The following FAHD2A variants were observed in gnomAD, a reference collection of about 807,000 sequenced individuals.
FAHD2A encodes fumarylacetoacetate hydrolase domain containing 2A, also known as oxaloacetate tautomerase FAHD2A, mitochondrial.
A neutral mutation model predicts 33.4 loss-of-function variants in FAHD2A; 27 were observed. The observed-to-expected ratio is 0.81, with a 90% confidence interval of 0.60 to 1.11. FAHD2A has a LOEUF of 1.11. Among genes scored for constraint, FAHD2A ranks in the 50% most tolerant of loss-of-function variants. The pLI is 0.00. For missense variants in FAHD2A, 296 were observed against 395.0 expected (o/e 0.75, Z 2.12); for synonymous variants, 130 against 153.3 (o/e 0.85, Z 1.12).
downstream of FAHD2A, among the ~76,000 whole-genome samples, chr2:95,416,821 G>T (rs1683200676): frequency 6.6e-6 from 1 of 152,126 alleles, no homozygotes; most frequent in Non-Finnish European, 1.5e-5. Context: ...CCACACAAAG[G>T]CTTGGATTTC....
chr2:95,417,388 G>A (rs530528668), downstream of FAHD2A, among the ~76,000 whole-genome samples: 1 of 152,174 alleles, frequency 6.6e-6, no homozygotes, highest in East Asian at 1.9e-4. Context: ...ACTAAGAGAA[G>A]CAGCCAGGCA....
intron 3 of FAHD2A, among the ~76,000 whole-genome samples, chr2:95,408,923 C>T (rs1391914909): frequency 5.3e-5 from 8 of 152,216 alleles, no homozygotes; most frequent in Non-Finnish European, 1.0e-4. Flanking sequence ...CCATAGTTTG[C>T]CAACTCCTGC....
Position 95,413,483 on chromosome 2 carries a change from C to T in FAHD2A, c.*526C>T. 1 of 1,610,342 alleles carries T rather than the reference C, an allele frequency of 6.2e-7. No homozygotes were observed. Among genetic ancestry groups the T allele is most frequent in the Non-Finnish European group, 8.5e-7 (1 of 1,179,256 alleles). ...CAAGTGAACTGCCGGATGAACTGTT[C>T]TAGTTTTTCCTGATTGTCCAGGCTG... On this transcript the variant is annotated 3_prime_UTR_variant, in exon 8 of 8. Transcript: ENST00000233379.
At chr2:95,417,540 G>T (rs1332136232), downstream of FAHD2A, among the ~76,000 whole-genome samples, 1 of 152,162 alleles carries the variant, frequency 6.6e-6, no homozygotes, top group Non-Finnish European at 1.5e-5. Flanking sequence ...ATGCCCTTCG[G>T]CCTCATTTGA....
chr2:95,406,835 A>C (rs992648133), intron 2 of FAHD2A, 106 bp from the exon 3 acceptor site: 12 of 1,464,552 alleles, frequency 8.2e-6, no homozygotes, highest in African/African-American at 5.7e-5. Flanking sequence ...GCTAGGAAAT[A>C]GATTTCAAAA....
downstream of FAHD2A, among the ~76,000 whole-genome samples, chr2:95,418,281 G>A (rs568457087): frequency 1.6e-4 from 24 of 151,920 alleles, no homozygotes; most frequent in South Asian, 4.8e-3. Flanking sequence ...TAAGGAAAGA[G>A]GATGTCTTGT....
At chr2:95,405,938 C>T (rs1250522904) in intron 2 of FAHD2A, 135 bp downstream of exon 2, 2 of 1,193,624 alleles carry the variant, frequency 1.7e-6, no homozygotes, top group African/African-American at 3.1e-5. Context: ...TTCTCCCGTT[C>T]TCTTAAAAGA....
intron 1 of FAHD2A, among the ~76,000 whole-genome samples, chr2:95,403,518 T>C (rs1200588445): frequency 6.6e-6 from 1 of 152,208 alleles, no homozygotes; most frequent in African/African-American, 2.4e-5. Flanking sequence ...AGGTCCCTAC[T>C]TCTCACTACA....
chr2:95,406,182 C>T (rs1388683377), intron 2 of FAHD2A, among the ~76,000 whole-genome samples: 2 of 125,448 alleles, frequency 1.6e-5, no homozygotes, highest in Non-Finnish European at 3.3e-5. Context: ...CCAGCTCCTA[C>T]AAGGAGAGAG....
At chr2:95,419,100 T>C (rs1324402849), downstream of FAHD2A, among the ~76,000 whole-genome samples, 3 of 152,032 alleles carry the variant, frequency 2.0e-5, no homozygotes, top group Non-Finnish European at 4.4e-5. Flanking sequence ...CCTAGAGCCT[T>C]CAGAGGGAGC....
downstream of FAHD2A, among the ~76,000 whole-genome samples, chr2:95,419,663 T>A (rs1335904277): frequency 2.0e-5 from 3 of 152,050 alleles, no homozygotes; most frequent in African/African-American, 7.3e-5. Flanking sequence ...GCTATCCTAG[T>A]GGCAACTTCA....
intron 1 of FAHD2A, among the ~76,000 whole-genome samples, chr2:95,404,815 GT>G (rs904695315): frequency 6.6e-6 from 1 of 152,216 alleles, no homozygotes; most frequent in African/African-American, 2.4e-5. Context: ...CCCAGACCCT[GT>G]TGTTTGTCTG....
intron 2 of FAHD2A, among the ~76,000 whole-genome samples, 179 bp downstream of exon 2, chr2:95,405,982 T>A (rs1681479800): frequency 6.6e-6 from 1 of 151,758 alleles, no homozygotes; most frequent in Admixed American, 6.6e-5. Context: ...CATCTTCAGT[T>A]TTCAGAGGAG....
intron 3 of FAHD2A, chr2:95,407,442 T>C (rs1681780872): frequency 2.0e-6 from 1 of 495,224 alleles, no homozygotes; most frequent in East Asian, 3.7e-5. Context: ...GGAATATTAA[T>C]GTTTTTCTGT....
At chr2:95,409,488 T>C (rs1682136010) in intron 3 of FAHD2A, among the ~76,000 whole-genome samples, 1 of 152,186 alleles carries the variant, frequency 6.6e-6, no homozygotes, top group Admixed American at 6.5e-5. Flanking sequence ...TTTGTATGTT[T>C]AGTAGAGACG....
chr2:95,416,795 A>G (rs1683197103), downstream of FAHD2A, among the ~76,000 whole-genome samples: 1 of 152,222 alleles, frequency 6.6e-6, no homozygotes, highest in East Asian at 1.9e-4. Context: ...TGGGTTCCAT[A>G]TGAACTAGGA....
rs1277442214 is a variant in FAHD2A, at chr2:95,413,140, T to C, written c.*183T>C. On this transcript the variant is annotated 3_prime_UTR_variant, in exon 8 of 8. Coordinates refer to ENST00000233379, the MANE Select transcript of FAHD2A (RefSeq NM_016044.3). The stretch of plus-strand genomic sequence containing the variant: ...GTCAGGTCAAAGCAGCAGCTTTGCT[T>C]CTGCTGTTTGTCTTCTTTTGGGCTT... The C allele has an allele frequency of 2.7e-6, 3 of 1,103,418 alleles. No homozygotes were observed. Among genetic ancestry groups the C allele is most frequent in the Non-Finnish European group, 2.6e-6 (2 of 781,640 alleles). The allele number at this position is 1,103,418 out of a possible 1,614,324, so 68.4% of individuals were successfully genotyped here. A position where few individuals can be genotyped will look rare whatever the true frequency, so the allele number is the denominator to read the frequency against.
At position 95,407,162 on chromosome 2, in the gene FAHD2A, G is replaced by A. The variant is rs1244897006; in HGVS notation, c.462+5G>A. 3 of 1,611,912 alleles carry A rather than the reference G, an allele frequency of 1.9e-6. No homozygotes were observed. Among genetic ancestry groups the A allele is most frequent in the Admixed American group, 1.7e-5 (1 of 59,992 alleles). On this transcript the variant is annotated splice_donor_5th_base_variant and intron_variant, in intron 3 of 7. Coordinates refer to ENST00000233379, the MANE Select transcript of FAHD2A (RefSeq NM_016044.3). ...GTCCTCCCACCACAGAGCCAGGTCA[G>A]TGTCTCCCCACTGCCCTCCCTAGTC...
chr2:95,411,540 G>T (rs1459211234), intron 5 of FAHD2A, among the ~76,000 whole-genome samples: 2 of 152,236 alleles, frequency 1.3e-5, no homozygotes, highest in Non-Finnish European at 2.9e-5. Flanking sequence ...GAGGTGGGGG[G>T]TGTCCACATG....
Sources: allele counts gnomAD v4.1 joint callset (sites outside exome capture counted in the v4.1 genomes callset), GRCh38; gene constraint gnomAD v4.1.1; transcripts MANE v1.5; gene names NCBI Gene and HGNC (gene_info 2026-07-23, HGNC 2026-07-21).